The following KCNT2 variants were observed in gnomAD, a reference collection of about 807,000 sequenced individuals.
KCNT2 encodes the protein potassium channel subfamily T member 2.
A neutral mutation model predicts 153.8 loss-of-function variants in KCNT2; 67 were observed. The observed-to-expected ratio is 0.44, with a 90% CI of 0.36 to 0.53. KCNT2 has a LOEUF of 0.53. Ranked by LOEUF, KCNT2 falls within the 20% of genes least tolerant of loss-of-function variation. The pLI, the probability that KCNT2 is intolerant of heterozygous loss-of-function variation, is 0.00. For missense variants in KCNT2, 975 were observed against 1,354.8 expected (o/e 0.72, Z 4.40); for synonymous variants, 500 against 458.8 (o/e 1.09, Z -1.15).
chr1:196,592,826 TA>T, intron 1 of KCNT2, among the ~76,000 whole-genome samples: 1 of 149,000 alleles, frequency 6.7e-6, no homozygotes, highest in South Asian at 2.1e-4. Context: ...CTTTTACTTT[TA>T]TGTATTTTAA....
rs572493755 is a variant in KCNT2, at chr1:196,438,884, T to C, written c.639-9127A>G. 3.0e-4 allele frequency among the ~76,000 whole-genome samples: 45 copies of C among 152,022 alleles called. 1 individual carries two copies. In the South Asian group the frequency reaches 7.9e-3, roughly 27 times the overall value. On this transcript the variant is annotated intron_variant, in intron 8 of 27. Coordinates refer to ENST00000294725, the MANE Select transcript of KCNT2 (RefSeq NM_198503.5). ...AGTAATATTTTGAAAAAAAATCCAA[T>C]AGAATTTTCTCTTTTTATATTACTT...
intron 1 of KCNT2, among the ~76,000 whole-genome samples, chr1:196,502,192 C>G (rs1042733908): frequency 4.6e-5 from 7 of 152,182 alleles, no homozygotes; most frequent in Non-Finnish European, 5.9e-5. Flanking sequence ...AACCTCTACT[C>G]TATGTACACA....
At chr1:196,551,120 C>A (rs892614750) in intron 1 of KCNT2, among the ~76,000 whole-genome samples, 1 of 151,776 alleles carries the variant, frequency 6.6e-6, no homozygotes, top group Admixed American at 6.6e-5. Flanking sequence ...GTTCCCTGGA[C>A]TTGGCTCCTC....
intron 1 of KCNT2, among the ~76,000 whole-genome samples, chr1:196,598,734 T>C (rs970618334): frequency 4.6e-5 from 7 of 152,206 alleles, no homozygotes; most frequent in Admixed American, 3.9e-4. Flanking sequence ...ACAAGTGATA[T>C]ATTTCTGTAC....
intron 13 of KCNT2, among the ~76,000 whole-genome samples, chr1:196,391,658 A>G (rs1441719673): frequency 6.6e-6 from 1 of 151,422 alleles, no homozygotes; most frequent in Admixed American, 6.6e-5. Flanking sequence ...AATAAACAGG[A>G]AAGATGGCTT....
At chr1:196,505,386 A>T (rs990941756) in intron 1 of KCNT2, among the ~76,000 whole-genome samples, 1 of 152,120 alleles carries the variant, frequency 6.6e-6, no homozygotes, top group Non-Finnish European at 1.5e-5. Flanking sequence ...CAAAGATCAG[A>T]TAGTTGTAGA....
At chr1:196,424,365 A>G (rs1002663459) in intron 11 of KCNT2, among the ~76,000 whole-genome samples, 26 of 151,950 alleles carry the variant, frequency 1.7e-4, no homozygotes, top group African/African-American at 5.1e-4. Context: ...GAAGAACTTA[A>G]CTATCATACA....
intron 13 of KCNT2, among the ~76,000 whole-genome samples, chr1:196,382,125 G>T (rs958768829): frequency 4.7e-5 from 2 of 42,894 alleles, no homozygotes; most frequent in Non-Finnish European, 6.8e-5. Context: ...TTGAGATGGA[G>T]TCTCCCTCTG....
At chr1:196,363,303 A>T (rs1420922436) in intron 14 of KCNT2, among the ~76,000 whole-genome samples, 1 of 151,980 alleles carries the variant, frequency 6.6e-6, no homozygotes, top group Non-Finnish European at 1.5e-5. Context: ...GCCCCCATAT[A>T]ATTCTGAGCA....
At chr1:196,275,605 T>C (rs1383926485) in intron 25 of KCNT2, among the ~76,000 whole-genome samples, 1 of 151,910 alleles carries the variant, frequency 6.6e-6, no homozygotes, top group Non-Finnish European at 1.5e-5. Context: ...ATCAGAGATA[T>C]AAAAAATGAT....
At chr1:196,478,361 A>C (rs767294144) in intron 5 of KCNT2, among the ~76,000 whole-genome samples, 4 of 152,302 alleles carry the variant, frequency 2.6e-5, no homozygotes, top group Middle Eastern at 3.4e-3. Context: ...CTGAATTTCA[A>C]TTACAGAATC....
At chr1:196,283,434 C>A (rs1256640372) in intron 23 of KCNT2, among the ~76,000 whole-genome samples, 1 of 151,628 alleles carries the variant, frequency 6.6e-6, no homozygotes, top group East Asian at 1.9e-4. Context: ...GACTCCATCT[C>A]AAAACAACAA....
At chr1:196,292,177 A>G (rs538954097) in intron 22 of KCNT2, among the ~76,000 whole-genome samples, 28 of 152,336 alleles carry the variant, frequency 1.8e-4, no homozygotes, top group African/African-American at 6.0e-4. Context: ...AAAACTTTCC[A>G]GTTCTACAGG....
chr1:196,578,289 TTAGA>T (rs1661609198), intron 1 of KCNT2, among the ~76,000 whole-genome samples: 1 of 151,698 alleles, frequency 6.6e-6, no homozygotes, highest in African/African-American at 2.4e-5. Flanking sequence ...GGACAGGATG[TTAGA>T]TAGCACAGAA....
At chr1:196,454,398 C>G (rs542240854) in intron 8 of KCNT2, among the ~76,000 whole-genome samples, 2 of 151,930 alleles carry the variant, frequency 1.3e-5, no homozygotes, top group Admixed American at 6.6e-5. Flanking sequence ...CTAGCAGTCC[C>G]CAGTGCTTAT....
intron 1 of KCNT2, among the ~76,000 whole-genome samples, chr1:196,593,174 G>A (rs936779217): frequency 6.6e-6 from 1 of 150,550 alleles, no homozygotes; most frequent in Non-Finnish European, 1.5e-5. Context: ...AACATATGAT[G>A]TTTCGTTTTC....
In KCNT2 at chr1:196,540,932, G is replaced by T. The variant is rs942022791; in HGVS notation, c.96-48591C>A. 5.9e-5 allele frequency among the ~76,000 whole-genome samples: 9 copies of T among 152,042 alleles called. No homozygotes were observed. In the South Asian group the frequency reaches 1.9e-3, roughly 32 times the overall value. Reference sequence around the variant, plus strand: ...ATACAAAAAATTAGCCAGGCGTGGTGGCGGGCGCCTGTAGTCCCAGCTACT... The same window carrying T: ...ATACAAAAAATTAGCCAGGCGTGGTTGCGGGCGCCTGTAGTCCCAGCTACT... On this transcript the variant is annotated intron_variant, in intron 1 of 27. Coordinates refer to ENST00000294725, the MANE Select transcript of KCNT2 (RefSeq NM_198503.5).
intron 26 of KCNT2, among the ~76,000 whole-genome samples, chr1:196,239,309 T>C (rs552474999): frequency 6.6e-6 from 1 of 152,006 alleles, no homozygotes; most frequent in East Asian, 1.9e-4. Flanking sequence ...GACATAATTA[T>C]TTTAATAAAA....
chr1:196,607,968 A>G (rs1414980512), intron 1 of KCNT2, among the ~76,000 whole-genome samples: 3 of 152,224 alleles, frequency 2.0e-5, no homozygotes, highest in Non-Finnish European at 4.4e-5. Context: ...AATAAGCACC[A>G]AATGAATGCA....
Sources: allele counts gnomAD v4.1 joint callset (sites outside exome capture counted in the v4.1 genomes callset), GRCh38; gene constraint gnomAD v4.1.1; transcripts MANE v1.5; gene names NCBI Gene and HGNC (gene_info 2026-07-23, HGNC 2026-07-21).